Variants in NTN1 observed in about 807,000 individuals in gnomAD.
The protein encoded by NTN1 is netrin-1.
NTN1 carries 11 observed loss-of-function variants against 54.2 expected under a neutral mutation model. The observed-to-expected ratio is 0.20, with a 90% confidence interval of 0.13 to 0.34. NTN1 has a LOEUF of 0.34. Ranked by LOEUF, NTN1 falls within the 10% of genes least tolerant of loss-of-function variation. The probability of loss-of-function intolerance (pLI) is 1.00; values close to 1 mark genes in which losing one functional copy is unlikely to be tolerated. For missense variants in NTN1, 740 were observed against 893.1 expected (o/e 0.83, Z 2.18); for synonymous variants, 371 against 382.0 (o/e 0.97, Z 0.33).
At chr17:9,009,624 T>C in the NTN1 span, among the ~76,000 whole-genome samples, 1 of 152,234 alleles carries the variant, frequency 6.6e-6, no homozygotes, top group Non-Finnish European at 1.5e-5. Flanking sequence ...CTGTGTGATA[T>C]ATAAACCAGC....
At chr17:9,200,642 A>G (rs1904755112) in intron 5 of NTN1, among the ~76,000 whole-genome samples, 1 of 152,188 alleles carries the variant, frequency 6.6e-6, no homozygotes, top group African/African-American at 2.4e-5. Flanking sequence ...GCCAACTCCT[A>G]GAATTCCCTG....
chr17:9,023,540 C>A, intron 2 of NTN1, 149 bp downstream of exon 2: 1 of 995,294 alleles, frequency 1.0e-6, no homozygotes, highest in Non-Finnish European at 1.3e-6. Flanking sequence ...GGGCTCAGAG[C>A]AGGTCCACTC....
intron 5 of NTN1, among the ~76,000 whole-genome samples, chr17:9,185,664 T>C (rs917288197): frequency 3.3e-5 from 5 of 152,066 alleles, no homozygotes; most frequent in Non-Finnish European, 7.4e-5. Context: ...AAAAAGGGCA[T>C]GGTACCCAAG....
At chr17:9,010,327 G>T in the NTN1 span, among the ~76,000 whole-genome samples, 1 of 152,208 alleles carries the variant, frequency 6.6e-6, no homozygotes, top group Non-Finnish European at 1.5e-5. Flanking sequence ...TGTGATCTGG[G>T]TTGTAACGGG....
At chr17:9,200,117 C>G (rs144028666) in intron 5 of NTN1, among the ~76,000 whole-genome samples, 320 of 152,382 alleles carry the variant, frequency 2.1e-3, no homozygotes, top group African/African-American at 7.2e-3. Context: ...ATCCTTCTTT[C>G]ATGACCTTCC....
At chr17:9,138,177 T>G (rs1729484033) in intron 2 of NTN1, among the ~76,000 whole-genome samples, 1 of 152,226 alleles carries the variant, frequency 6.6e-6, no homozygotes, top group African/African-American at 2.4e-5. Context: ...GAAAACCCCC[T>G]GGGCGGGTGT....
At chr17:9,220,918 G>A (rs1263055787) in intron 5 of NTN1, among the ~76,000 whole-genome samples, 1 of 145,220 alleles carries the variant, frequency 6.9e-6, no homozygotes, top group Non-Finnish European at 1.5e-5. Context: ...AGGCCAGGGT[G>A]GTTGCAGGCG....
At position 9,212,425 on chromosome 17, in the gene NTN1, C is replaced by A. The variant is rs1905128293; in HGVS notation, c.1412-8743C>A. On this transcript the variant is annotated intron_variant, in intron 5 of 6. Coordinates refer to ENST00000173229, the MANE Select transcript of NTN1 (RefSeq NM_004822.3). This position sits in a 1 kb window ranked among gnomAD's most constrained non-coding sequence, Gnocchi z 5.5. Reference sequence around the variant, plus strand: ...CCGAACACATGGAAATCTGGACTCTCTGGCCGCGGAGATTCCATGCAGCTT... The same window carrying A: ...CCGAACACATGGAAATCTGGACTCTATGGCCGCGGAGATTCCATGCAGCTT... Among the ~76,000 whole-genome samples the A allele has an allele frequency of 6.6e-6, 1 of 152,224 alleles. No individual in the cohort carries two copies. Among genetic ancestry groups the A allele is most frequent in the Admixed American group, 6.5e-5 (1 of 15,284 alleles).
At chr17:9,048,241 C>T (rs2091947079) in intron 2 of NTN1, among the ~76,000 whole-genome samples, 1 of 152,150 alleles carries the variant, frequency 6.6e-6, no homozygotes, top group Non-Finnish European at 1.5e-5. Context: ...ACATTCATCT[C>T]CTTGGACGTC....
intron 2 of NTN1, among the ~76,000 whole-genome samples, chr17:9,085,628 C>G (rs559568596): frequency 2.7e-3 from 408 of 152,314 alleles, no homozygotes; most frequent in Non-Finnish European, 4.4e-3. Context: ...GAGCTCTAGC[C>G]TCAGTGACTT....
rs1906279210 is a variant in NTN1, at chr17:9,243,134, G to GA, written c.*3167dup. On this transcript the variant is annotated 3_prime_UTR_variant, in exon 7 of 7. Coordinates refer to ENST00000173229, the MANE Select transcript of NTN1 (RefSeq NM_004822.3). ...GCAGTAATGCCGAAGATTTGCGGGG[G>GA]AGGACATAGGGCTGTCCCCGGGATT... 2 of 152,220 alleles carry GA rather than the reference G, an allele frequency of 1.3e-5. No homozygotes were observed. The highest frequency in any genetic ancestry group is 2.9e-5 in the Non-Finnish European group (2 of 68,042). The allele number at this position is 152,220 out of a possible 1,614,324, so 9.4% of individuals were successfully genotyped here.
At chr17:9,073,793 G>C (rs1056996838) in intron 2 of NTN1, among the ~76,000 whole-genome samples, 1 of 152,194 alleles carries the variant, frequency 6.6e-6, no homozygotes, top group Non-Finnish European at 1.5e-5. Flanking sequence ...TGCCTGGCTC[G>C]GAAAATGACA....
At chr17:9,187,642 ACCT>A (rs2092437236) in intron 5 of NTN1, among the ~76,000 whole-genome samples, 1 of 121,630 alleles carries the variant, frequency 8.2e-6, no homozygotes, top group South Asian at 2.9e-4. Flanking sequence ...AAATAGTGAA[ACCT>A]CATCTCTCCA....
chr17:9,234,842 C>T (rs1905926817), intron 6 of NTN1, among the ~76,000 whole-genome samples: 1 of 152,206 alleles, frequency 6.6e-6, no homozygotes, highest in Non-Finnish European at 1.5e-5. Flanking sequence ...CTAACATCTG[C>T]CTCATTGACT....
intron 2 of NTN1, among the ~76,000 whole-genome samples, chr17:9,148,399 C>G (rs2092319416): frequency 6.6e-6 from 1 of 152,114 alleles, no homozygotes; most frequent in Non-Finnish European, 1.5e-5. Context: ...TTAACCTCTT[C>G]TGGGACTTGT....
chr17:9,009,904 A>C, the NTN1 span, among the ~76,000 whole-genome samples: 2 of 152,118 alleles, frequency 1.3e-5, no homozygotes, highest in Admixed American at 1.3e-4. Flanking sequence ...GCTCCTGGGC[A>C]ATTTGCTCAA....
chr17:9,182,640 T>C (rs548739450), intron 4 of NTN1, among the ~76,000 whole-genome samples: 8 of 152,104 alleles, frequency 5.3e-5, no homozygotes, highest in Admixed American at 1.3e-4. Context: ...GCCCAGGGGG[T>C]GGGGGCAAGG....
chr17:9,104,857 C>T (rs12947025), intron 2 of NTN1, among the ~76,000 whole-genome samples: 11,455 of 152,298 alleles, frequency 0.075, 619 homozygotes, highest in Non-Finnish European at 0.11. Flanking sequence ...TGGCCACAGT[C>T]CTGACCTGAC....
the NTN1 span, among the ~76,000 whole-genome samples, chr17:9,003,646 C>A: frequency 6.7e-6 from 1 of 150,316 alleles, no homozygotes; most frequent in African/African-American, 2.4e-5. This position sits in a 1 kb window ranked among gnomAD's most constrained non-coding sequence, Gnocchi z 7.4. Flanking sequence ...CGGCGCTGCA[C>A]CCCTCGCTTT....
Sources: allele counts gnomAD v4.1 joint callset (sites outside exome capture counted in the v4.1 genomes callset), GRCh38; gene constraint gnomAD v4.1.1; non-coding constraint Gnocchi (gnomAD v3.1); transcripts MANE v1.5; gene names NCBI Gene and HGNC (gene_info 2026-07-23, HGNC 2026-07-21).